KIAA1328: variants seen among roughly 807,000 people sequenced by gnomAD.
KIAA1328 encodes the protein protein hinderin.
A neutral mutation model predicts 68.1 loss-of-function variants in KIAA1328; 52 were observed. The observed-to-expected ratio is 0.76, with a 90% confidence interval of 0.61 to 0.96. The LOEUF (loss-of-function observed/expected upper bound fraction) is 0.96. Ranked by LOEUF, KIAA1328 falls within the 40% of genes least tolerant of loss-of-function variation. The pLI is 0.00. For synonymous variants in KIAA1328, 232 were observed against 239.4 expected (o/e 0.97, Z 0.28); for missense variants, 641 against 677.6 (o/e 0.95, Z 0.60).
chr18:37,006,015 A>G (rs1241501501), intron 6 of KIAA1328, among the ~76,000 whole-genome samples: 1 of 152,018 alleles, frequency 6.6e-6, no homozygotes, highest in Non-Finnish European at 1.5e-5. Context: ...AGTTAGAAGG[A>G]GTAAATTCAG....
intron 6 of KIAA1328, among the ~76,000 whole-genome samples, chr18:37,030,596 CTT>C (rs1339383352): frequency 1.3e-5 from 2 of 152,070 alleles, no homozygotes; most frequent in Non-Finnish European, 2.9e-5. Flanking sequence ...TTTGGTAAAT[CTT>C]TAATCTGCAT....
chr18:36,876,415 G>A (rs2048128665), intron 4 of KIAA1328, among the ~76,000 whole-genome samples: 1 of 152,150 alleles, frequency 6.6e-6, no homozygotes, highest in Non-Finnish European at 1.5e-5. Context: ...AGGTGTATGT[G>A]TCTAGGAATT....
chr18:36,931,983 T>A (rs1481610460), intron 5 of KIAA1328, among the ~76,000 whole-genome samples: 1 of 151,366 alleles, frequency 6.6e-6, no homozygotes, highest in African/African-American at 2.5e-5. Flanking sequence ...AAATCAGTTA[T>A]AAAACAGGTA....
At chr18:37,164,179 G>A (rs1267995866) in intron 8 of KIAA1328, among the ~76,000 whole-genome samples, 1 of 152,108 alleles carries the variant, frequency 6.6e-6, no homozygotes, top group Non-Finnish European at 1.5e-5. Context: ...GTTCACTGTT[G>A]TATCCCCATC....
At chr18:37,078,736 C>T (rs1338438740) in intron 7 of KIAA1328, among the ~76,000 whole-genome samples, 2 of 150,918 alleles carry the variant, frequency 1.3e-5, no homozygotes, top group East Asian at 1.9e-4. Flanking sequence ...AAAATGCTCA[C>T]CATCACTGGC....
chr18:37,176,812 G>A (rs1296907256), intron 9 of KIAA1328, among the ~76,000 whole-genome samples: 2 of 152,238 alleles, frequency 1.3e-5, no homozygotes, highest in Non-Finnish European at 1.5e-5. Flanking sequence ...AGCTGGGCAA[G>A]TTACCATTTG....
At chr18:36,958,735 AATTCTTTACC>A (rs2051527029) in intron 5 of KIAA1328, among the ~76,000 whole-genome samples, 10 of 152,128 alleles carry the variant, frequency 6.6e-5, no homozygotes, top group Admixed American at 5.9e-4. Flanking sequence ...TCTGGACACA[AATTCTTTACC>A]ATGTCATTTC....
chr18:37,028,003 C>G (rs1372536240), intron 6 of KIAA1328, among the ~76,000 whole-genome samples: 1 of 152,098 alleles, frequency 6.6e-6, no homozygotes, highest in Non-Finnish European at 1.5e-5. Context: ...AGAACTCAAA[C>G]AAATTTACAA....
chr18:37,152,190 TTAG>T (rs1181391504), intron 7 of KIAA1328, among the ~76,000 whole-genome samples: 5 of 149,238 alleles, frequency 3.4e-5, no homozygotes, highest in Admixed American at 6.7e-5. Flanking sequence ...ACTCAGAAAA[TTAG>T]TAGTTCTCAA....
intron 3 of KIAA1328, among the ~76,000 whole-genome samples, chr18:36,840,702 C>T (rs1252408253): frequency 2.0e-5 from 3 of 152,078 alleles, no homozygotes; most frequent in African/African-American, 4.8e-5. Context: ...CCACCCACCT[C>T]GGCCTCCGAA....
intron 6 of KIAA1328, among the ~76,000 whole-genome samples, chr18:37,059,587 G>T (rs1216163353): frequency 6.6e-6 from 1 of 152,214 alleles, no homozygotes; most frequent in Non-Finnish European, 1.5e-5. Context: ...TTACACTGCT[G>T]GTGGAAGTGT....
At chr18:37,105,129 G>A (rs1011616617) in intron 7 of KIAA1328, among the ~76,000 whole-genome samples, 16 of 152,164 alleles carry the variant, frequency 1.1e-4, no homozygotes, top group Non-Finnish European at 1.5e-5. Context: ...ATTAACATGA[G>A]TGGGGTTTGT....
chr18:37,226,991 T>A (rs1050141370), downstream of KIAA1328, among the ~76,000 whole-genome samples: 3 of 152,216 alleles, frequency 2.0e-5, no homozygotes, highest in African/African-American at 7.2e-5. Context: ...GGTCTTGAAC[T>A]CCCGACCTCA....
At chr18:36,971,884 G>T (rs374490581) in intron 6 of KIAA1328, among the ~76,000 whole-genome samples, 1 of 151,984 alleles carries the variant, frequency 6.6e-6, no homozygotes, top group Non-Finnish European at 1.5e-5. Flanking sequence ...AAGGAGAGAA[G>T]AAGAAAAAGA....
intron 4 of KIAA1328, among the ~76,000 whole-genome samples, chr18:36,851,924 A>T (rs1400852816): frequency 6.6e-6 from 1 of 152,060 alleles, no homozygotes; most frequent in Non-Finnish European, 1.5e-5. Flanking sequence ...ATTTATAGCT[A>T]TAAATTTTCC....
chr18:36,862,847 G>A (rs891252770), intron 4 of KIAA1328, among the ~76,000 whole-genome samples: 3 of 152,138 alleles, frequency 2.0e-5, no homozygotes, highest in Middle Eastern at 3.4e-3. Flanking sequence ...TTCTATTCTA[G>A]TCATTCTGGT....
chr18:36,922,138 A>T (rs1325551638), intron 5 of KIAA1328, among the ~76,000 whole-genome samples: 1 of 151,994 alleles, frequency 6.6e-6, no homozygotes, highest in East Asian at 1.9e-4. Context: ...TCTCTTGAAG[A>T]TTACCTAGAT....
At chr18:36,861,191 T>C (rs72885278) in intron 4 of KIAA1328, among the ~76,000 whole-genome samples, 20,737 of 152,210 alleles carry the variant, frequency 0.14, 1,760 homozygotes, top group Admixed American at 0.18. Flanking sequence ...TTGACACTTT[T>C]GAAGAGTACT....
intron 9 of KIAA1328, among the ~76,000 whole-genome samples, chr18:37,189,030 G>T (rs1173977440): frequency 6.6e-6 from 1 of 152,088 alleles, no homozygotes; most frequent in Non-Finnish European, 1.5e-5. Context: ...AAAATCTGTT[G>T]GCAAAAGCTG....
Sources: allele counts gnomAD v4.1 joint callset (sites outside exome capture counted in the v4.1 genomes callset), GRCh38; gene constraint gnomAD v4.1.1; transcripts MANE v1.5; gene names NCBI Gene and HGNC (gene_info 2026-07-23, HGNC 2026-07-21).